Variants in ZFHX3 observed in about 807,000 individuals in gnomAD.
ZFHX3 encodes the protein zinc finger homeobox protein 3.
A neutral mutation model predicts 279.1 loss-of-function variants in ZFHX3; 42 were observed. The observed-to-expected ratio is 0.15, with a 90% CI of 0.12 to 0.19. The LOEUF is 0.19. Among genes scored for constraint, ZFHX3 ranks in the 10% least tolerant of loss-of-function variants. The probability of loss-of-function intolerance (pLI) is 1.00; values close to 1 mark genes in which losing one functional copy is unlikely to be tolerated. For missense variants in ZFHX3, 4,981 were observed against 4,754.0 expected, an observed-to-expected ratio of 1.05 and a Z score of -1.40; for synonymous variants, 2,293 against 1,957.8, an observed-to-expected ratio of 1.17 and a Z score of -4.52.
intron 5 of ZFHX3, among the ~76,000 whole-genome samples, chr16:73,176,777 G>A (rs1254934430): frequency 6.6e-6 from 1 of 151,936 alleles, no homozygotes; most frequent in African/African-American, 2.4e-5. Context: ...TCTTCTTCTT[G>A]ATGTGCTGGT....
At chr16:73,871,986 A>G (rs1022823349) in intron 1 of ZFHX3, among the ~76,000 whole-genome samples, 1 of 152,218 alleles carries the variant, frequency 6.6e-6, no homozygotes, top group African/African-American at 2.4e-5. Flanking sequence ...CACCATAATG[A>G]AGGTCACCGA....
intron 1 of ZFHX3, among the ~76,000 whole-genome samples, chr16:72,969,388 C>T (rs750944661): frequency 1.9e-4 from 29 of 152,114 alleles, no homozygotes; most frequent in Non-Finnish European, 3.8e-4. Flanking sequence ...AATACTGAGC[C>T]GTTTCCCCGT....
chr16:73,107,137 G>T (rs572529824), intron 7 of ZFHX3, among the ~76,000 whole-genome samples: 90 of 152,034 alleles, frequency 5.9e-4, no homozygotes, highest in Non-Finnish European at 9.3e-4. Context: ...GCGAAATGCT[G>T]TCTCTACTAA....
At chr16:73,722,169 A>G (rs1001756214) in intron 1 of ZFHX3, among the ~76,000 whole-genome samples, 4 of 152,362 alleles carry the variant, frequency 2.6e-5, no homozygotes, top group Admixed American at 2.6e-4. Flanking sequence ...AACAAAATGA[A>G]CAAGGTCCCT....
chr16:73,708,085 G>GA lies in ZFHX3; in HGVS notation c.-1607-27846_-1607-27845insT, dbSNP rs1296292733. On this transcript the variant is annotated intron_variant, in intron 1 of 17. Transcript: ENST00000641206. ...TTTCATAATTTGGGTGTGGTGGGGGGGGGAAGTATTTACAATTATTGGAAG... is the reference window on the plus strand; with the variant it reads ...TTTCATAATTTGGGTGTGGTGGGGGGAGGGAAGTATTTACAATTATTGGAAG... 1.3e-4 allele frequency among the ~76,000 whole-genome samples: 20 copies of GA among 148,988 alleles called. No individual in the cohort carries two copies. In the South Asian group the frequency reaches 4.0e-3, roughly 30 times the overall value.
chr16:73,254,394 T>A lies in ZFHX3; in HGVS notation c.-1104+2653A>T, dbSNP rs574085451. Among the ~76,000 whole-genome samples the A allele has an allele frequency of 1.2e-4, 18 of 151,944 alleles. No homozygotes were observed. The East Asian group carries it at 3.5e-3, about 30-fold the overall frequency. On this transcript the variant is annotated intron_variant, in intron 5 of 17. Coordinates refer to the ZFHX3 transcript ENST00000641206. ...TCTAATTGTTTTGGCTTCTGCTTGT[T>A]GGAGGTTCTGAACTGACACAACTGG...
At chr16:72,861,433 T>G (rs2037884842) in intron 4 of ZFHX3, among the ~76,000 whole-genome samples, 1 of 151,954 alleles carries the variant, frequency 6.6e-6, no homozygotes, top group Admixed American at 6.6e-5. Context: ...GGGAGGCGGG[T>G]TACTCCTCAG....
chr16:73,263,904 C>A (rs1451196559), intron 4 of ZFHX3, among the ~76,000 whole-genome samples: 2 of 152,206 alleles, frequency 1.3e-5, no homozygotes, highest in Non-Finnish European at 2.9e-5. Flanking sequence ...CAGTGGCTCA[C>A]GCCTGTAATC....
chr16:72,810,071 A>C (rs552221322), intron 7 of ZFHX3, among the ~76,000 whole-genome samples: 1 of 151,932 alleles, frequency 6.6e-6, no homozygotes, highest in East Asian at 1.9e-4. Flanking sequence ...TTTTCAGTAG[A>C]GACAGGGTTT....
chr16:73,329,999 A>T lies in ZFHX3; in HGVS notation c.-1290-11663T>A, dbSNP rs556580241. Among the ~76,000 whole-genome samples the T allele has an allele frequency of 2.0e-5, 3 of 152,262 alleles. No homozygotes were observed. In the South Asian group the frequency reaches 6.2e-4, roughly 32 times the overall value. ...CATCTTTCACAGGGGCTGGGTTGTC[A>T]TGATTAGGGCTGGGCTGGGCTCACT... On this transcript the variant is annotated intron_variant, in intron 3 of 17. Transcript: ENST00000641206.
intron 2 of ZFHX3, among the ~76,000 whole-genome samples, chr16:73,480,553 T>C (rs1242440338): frequency 6.6e-6 from 1 of 151,956 alleles, no homozygotes; most frequent in African/African-American, 2.4e-5. Flanking sequence ...GGGGATGGAG[T>C]GGCAGGCAGC....
chr16:73,297,641 G>T (rs556813686), intron 4 of ZFHX3, among the ~76,000 whole-genome samples: 5 of 152,084 alleles, frequency 3.3e-5, no homozygotes, highest in African/African-American at 1.2e-4. Flanking sequence ...ATACCTCATG[G>T]ACTTCTCATT....
At chr16:73,846,067 G>T (rs1961441851) in intron 1 of ZFHX3, among the ~76,000 whole-genome samples, 2 of 152,092 alleles carry the variant, frequency 1.3e-5, no homozygotes, top group South Asian at 4.1e-4. Context: ...CCAAGTGCTG[G>T]GATTGCAGGC....
intron 7 of ZFHX3, among the ~76,000 whole-genome samples, chr16:73,095,465 G>A (rs572700573): frequency 1.3e-5 from 2 of 152,202 alleles, no homozygotes; most frequent in East Asian, 3.9e-4. Context: ...TTAATGTATT[G>A]CTGCTGAAAC....
rs180673780 is a variant in ZFHX3, at chr16:73,030,153, G to A, written c.-50+17599C>T. 2.0e-4 allele frequency among the ~76,000 whole-genome samples: 30 copies of A among 152,254 alleles called. No individual in the cohort carries two copies. The East Asian group carries it at 3.5e-3, about 18-fold the overall frequency. On this transcript the variant is annotated intron_variant, in intron 1 of 9. Transcript: ENST00000268489. Reference sequence around the variant, plus strand: ...ATATGCCAGGATAATCCCCAAGACCGGCTACTCTCAACTTTCTCTACCTCC... The same window carrying A: ...ATATGCCAGGATAATCCCCAAGACCAGCTACTCTCAACTTTCTCTACCTCC...
chr16:73,430,742 C>T (rs2017895589), intron 3 of ZFHX3, among the ~76,000 whole-genome samples: 1 of 152,216 alleles, frequency 6.6e-6, no homozygotes, highest in Non-Finnish European at 1.5e-5. Flanking sequence ...GACACATACA[C>T]ACTTAGGACA....
At chr16:73,645,226 C>T (rs1023977493) in intron 2 of ZFHX3, among the ~76,000 whole-genome samples, 4 of 152,126 alleles carry the variant, frequency 2.6e-5, no homozygotes, top group Non-Finnish European at 1.5e-5. Flanking sequence ...CCAAATGTAG[C>T]ATTTAAAGGA....
Position 73,692,165 on chromosome 16 carries a change from C to T in ZFHX3, c.-1607-11925G>A, listed in dbSNP as rs550552174. 3.3e-5 allele frequency among the ~76,000 whole-genome samples: 5 copies of T among 152,288 alleles called. No individual in the cohort carries two copies. The South Asian group carries it at 1.0e-3, about 32-fold the overall frequency. On this transcript the variant is annotated intron_variant, in intron 1 of 17. Coordinates refer to the ZFHX3 transcript ENST00000641206. The stretch of plus-strand genomic sequence containing the variant: ...TCAAGAAGCGGACCTTAATTCTCCT[C>T]TCCTTGATTCTGTCCTGGACTTAGT...
chr16:73,717,751 T>A (rs2053430408), intron 1 of ZFHX3, among the ~76,000 whole-genome samples: 1 of 152,164 alleles, frequency 6.6e-6, no homozygotes. Context: ...TGGCTCTAGA[T>A]CTCATTCCCA....
Sources: allele counts gnomAD v4.1 joint callset (sites outside exome capture counted in the v4.1 genomes callset), GRCh38; gene constraint gnomAD v4.1.1; transcripts MANE v1.5; gene names NCBI Gene and HGNC (gene_info 2026-07-23, HGNC 2026-07-21).